Variants in XDH observed in about 807,000 individuals in gnomAD.
XDH encodes xanthine dehydrogenase, also known as xanthine dehydrogenase/oxidase.
Under a neutral mutation model 156.1 loss-of-function variants are expected in XDH, and 138 were observed. That is an observed-to-expected ratio of 0.88 (90% CI 0.77 to 1.02). The LOEUF (loss-of-function observed/expected upper bound fraction) is 1.02. Among genes scored for constraint, XDH ranks in the 50% least tolerant of loss-of-function variants. The pLI, the probability that XDH is intolerant of heterozygous loss-of-function variation, is 0.00. For missense variants in XDH, 1,849 were observed against 1,684.9 expected (o/e 1.10, Z -1.71); for synonymous variants, 669 against 625.7 (o/e 1.07, Z -1.03).
intron 1 of XDH, among the ~76,000 whole-genome samples, chr2:31,413,451 C>T (rs1461127682): frequency 6.6e-6 from 1 of 152,162 alleles, no homozygotes; most frequent in Non-Finnish European, 1.5e-5. Context: ...CCCCATTCCC[C>T]AGCACTTCCC....
chr2:31,398,664 C>A lies in XDH; in HGVS notation c.342G>T (p.Gly114=), dbSNP rs377004053. The change falls in exon 5 of 36, where the codon GGG becomes GGT. Residue 114 remains glycine (G), a synonymous_variant. Transcript: ENST00000379416. ...TCATGACGATGCCAGGGGTGCAGAA[C>A]CCGCACTGGGAGCCGTGGCTTTTGG... ...RIAKSHGSQC[G]FCTPGIVMSM... is the part of the protein sequence containing the mutation. 2.4e-5 allele frequency: 39 copies of A among 1,613,990 alleles called. No individual in the cohort carries two copies. In the African/African-American group the frequency reaches 3.9e-4, roughly 16 times the overall value.
chr2:31,342,440 A>G, intron 31 of XDH, 143 bp from the exon 32 acceptor site: 1 of 721,520 alleles, frequency 1.4e-6, no homozygotes, highest in Non-Finnish European at 2.4e-6. Context: ...CATGGTTTGA[A>G]CAATTTGAAC....
At position 31,386,971 on chromosome 2, in the gene XDH, G is replaced by T. The variant is rs187096717; in HGVS notation, c.652-416C>A. On this transcript the variant is annotated intron_variant, in intron 8 of 35. Coordinates refer to ENST00000379416, the MANE Select transcript of XDH (RefSeq NM_000379.4). ...GGGAGGGAGGGAGGGAGAGAGGGAG[G>T]GAGGGAGGGAGGGAAGAAAGGAAGG... Among the ~76,000 whole-genome samples the T allele has an allele frequency of 6.3e-3, 633 of 100,570 alleles. 5 individuals are homozygous for T. Among genetic ancestry groups the T allele is most frequent in the Admixed American group, 0.028 (295 of 10,374 alleles). The allele number at this position is 100,570 out of a possible 152,430, so 66.0% of individuals were successfully genotyped here.
chr2:31,375,649 G>A, intron 14 of XDH, 95 bp from the exon 15 acceptor site: 1 of 1,456,714 alleles, frequency 6.9e-7, no homozygotes, highest in East Asian at 2.5e-5. Context: ...GCTGTACAAA[G>A]CTTGGTTCAA....
In XDH at chr2:31,342,573, A is replaced by T. The variant is rs45471493; in HGVS notation, c.3405-276T>A. 0.018 allele frequency among the ~76,000 whole-genome samples: 2,730 copies of T among 152,246 alleles called. 83 individuals are homozygous for T. The highest frequency in any genetic ancestry group is 0.062 in the African/African-American group (2,571 of 41,512). On this transcript the variant is annotated intron_variant, in intron 31 of 35. Transcript: ENST00000379416. ...TGTTTAGTACCATGCTAGCCTCTGC[A>T]CAGTAGAAAGAGAGGTAACAGATCC...
intron 12 of XDH, among the ~76,000 whole-genome samples, chr2:31,381,257 A>C (rs558843360): frequency 1.3e-5 from 2 of 152,122 alleles, no homozygotes; most frequent in Non-Finnish European, 2.9e-5. Context: ...CAGCCTCTCA[A>C]AGTGCTGGGA....
At chr2:31,378,790 A>G (rs1686350561) in intron 13 of XDH, among the ~76,000 whole-genome samples, 1 of 151,938 alleles carries the variant, frequency 6.6e-6, no homozygotes, top group Non-Finnish European at 1.5e-5. Context: ...TAATGACCAT[A>G]CCTGGCAAAT....
chr2:31,372,447 C>T (rs757033531), intron 16 of XDH, 50 bp from the exon 17 acceptor site: 1 of 1,611,808 alleles, frequency 6.2e-7, no homozygotes, highest in South Asian at 1.1e-5. Context: ...GACACTGCCC[C>T]TCTATGGGCC....
Position 31,337,673 on chromosome 2 carries a change from G to T in XDH, c.3919C>A (p.Arg1307Ser). Residue 1307 changes from arginine (R) to serine (S), a missense_variant, in exon 35 of 36, where the codon CGC becomes AGC. Transcript: ENST00000379416. ...GTGAACTTGTCCACGCAGGCATTGC[G>T]GATCTTCTCCGGGGTGGCAGGGCTG... The part of the protein sequence containing the change: ...LDSPATPEKI[R>S]NACVDKFTTL... 1 of 1,614,206 alleles carries T rather than the reference G, an allele frequency of 6.2e-7. No individual in the cohort carries two copies. Among genetic ancestry groups the T allele is most frequent in the South Asian group, 1.1e-5 (1 of 91,084 alleles).
At chr2:31,366,144 C>T (rs1364955526) in intron 21 of XDH, 35 bp from the exon 22 acceptor site, 2 of 1,614,114 alleles carry the variant, frequency 1.2e-6, no homozygotes, top group African/African-American at 2.7e-5. Context: ...GCACTGAATG[C>T]ATTACCTGAA....
chr2:31,385,961 C>A (rs1686579194), intron 9 of XDH, among the ~76,000 whole-genome samples: 3 of 152,200 alleles, frequency 2.0e-5, no homozygotes. Context: ...CTCCCTTAGA[C>A]TAGAAGGCCC....
intron 15 of XDH, 85 bp from the exon 16 acceptor site, chr2:31,374,041 T>G: frequency 7.5e-7 from 1 of 1,330,908 alleles, no homozygotes; most frequent in Non-Finnish European, 1.1e-6. Flanking sequence ...ATGACCAAAC[T>G]GATAACTGAT....
rs1218817642 is a variant in XDH at position 31,366,064 on chromosome 2, C to A, written c.2368G>T (p.Val790Phe). 1.4e-5 allele frequency: 22 copies of A among 1,614,062 alleles called. No homozygotes were observed. Among genetic ancestry groups the A allele is most frequent in the Non-Finnish European group, 1.9e-5 (22 of 1,180,040 alleles). Reference sequence around the variant, plus strand: ...CCTCCTCCCATTCTCTTCACTCGAACCACAATCCGGTTTGCTGGAACCCCC... The same window carrying A: ...CCTCCTCCCATTCTCTTCACTCGAAACACAATCCGGTTTGCTGGAACCCCC... ...MLGVPANRIV[V>F]RVKRMGGGFG... Residue 790 changes from valine to phenylalanine, a missense_variant, in exon 22 of 36, where the codon GTT (valine) becomes TTT (phenylalanine). Coordinates refer to ENST00000379416, the MANE Select transcript of XDH (RefSeq NM_000379.4).
rs369252865 is a variant in XDH, at chr2:31,339,615, G to A, written c.3648C>T (p.Pro1216=). 6.0e-5 allele frequency: 97 copies of A among 1,614,084 alleles called. No homozygotes were observed. The highest frequency in any genetic ancestry group is 5.2e-4 in the Admixed American group (31 of 60,012). ...LFTLEELHYS[P]EGSLHTRGPS... ...GGCCACGGGTGTGCAGGCTCCCCTC[G>A]GGGGAATAGTGTAGCTCCTCTAGGG... is the stretch of plus-strand genomic sequence containing the variant. The change falls in exon 34 of 36, where the codon CCC becomes CCT. Residue 1216 remains proline, a synonymous_variant. Coordinates refer to ENST00000379416, the MANE Select transcript of XDH (RefSeq NM_000379.4).
intron 20 of XDH, 50 bp from the exon 21 acceptor site, chr2:31,367,044 G>A: frequency 6.2e-7 from 1 of 1,613,532 alleles, no homozygotes; most frequent in Non-Finnish European, 8.5e-7. Context: ...TGCAGAAGGG[G>A]CCAGCTTGCC....
At chr2:31,369,340 T>C (rs1686007744) in intron 18 of XDH, among the ~76,000 whole-genome samples, 1 of 152,310 alleles carries the variant, frequency 6.6e-6, no homozygotes. Context: ...ATTTATATGA[T>C]AATGATTGTT....
At chr2:31,402,990 C>T (rs1488346998) in intron 3 of XDH, 58 bp downstream of exon 3, 2 of 1,594,476 alleles carry the variant, frequency 1.3e-6, no homozygotes, top group Non-Finnish European at 1.7e-6. Flanking sequence ...CACTCCCTCA[C>T]AAGCTGGTCC....
At position 31,342,256 on chromosome 2, in the gene XDH, T is replaced by A. The variant is rs1272764082; in HGVS notation, c.3446A>T (p.Asn1149Ile). 1 of 1,614,000 alleles carries A rather than the reference T, an allele frequency of 6.2e-7. No homozygotes were observed. Among genetic ancestry groups the A allele is most frequent in the Non-Finnish European group, 8.5e-7 (1 of 1,180,006 alleles). The change falls in exon 32 of 36, where the codon AAC (asparagine) becomes ATC (isoleucine). Residue 1149 changes from asparagine to isoleucine, a missense_variant. Coordinates refer to ENST00000379416, the MANE Select transcript of XDH (RefSeq NM_000379.4). ...LGYSFETNSG[N>I]PFHYFSYGVA... Reference sequence around the variant, plus strand: ...CCCATAGCTGAAGTAGTGGAAGGGGTTCCCTGAGTTAGTCTCAAAGCTGTA... The same window carrying A: ...CCCATAGCTGAAGTAGTGGAAGGGGATCCCTGAGTTAGTCTCAAAGCTGTA...
chr2:31,382,641 T>C (rs921559046), intron 11 of XDH, among the ~76,000 whole-genome samples: 2 of 152,102 alleles, frequency 1.3e-5, no homozygotes, highest in African/African-American at 2.4e-5. Flanking sequence ...AGCATATCCA[T>C]ATCTCTTGTT....
Sources: gnomAD v4.1 joint callset for allele counts (sites outside exome capture counted in the v4.1 genomes callset) on GRCh38, gnomAD v4.1.1 for gene constraint, MANE v1.5 for transcripts, NCBI Gene and HGNC (gene_info 2026-07-23, HGNC 2026-07-21) for gene names.